STAU2: variants seen among roughly 807,000 people sequenced by gnomAD.
STAU2 encodes staufen double-stranded RNA binding protein 2.
In STAU2, 20 loss-of-function variants were observed where a neutral mutation model predicts 65.9. The observed-to-expected ratio is 0.30, with a 90% confidence interval of 0.21 to 0.44. The LOEUF (loss-of-function observed/expected upper bound fraction) is 0.44, where lower values mean the gene tolerates loss of function less well. STAU2 is among the 20% of genes least tolerant of loss of function. STAU2 has a pLI of 1.00. For missense variants in STAU2, 558 were observed against 683.9 expected (o/e 0.82, Z 2.05); for synonymous variants, 232 against 233.9 (o/e 0.99, Z 0.07).
At chr8:73,480,573 A>C (rs1050164435) in intron 13 of STAU2, among the ~76,000 whole-genome samples, 1 of 152,146 alleles carries the variant, frequency 6.6e-6, no homozygotes, top group Non-Finnish European at 1.5e-5. Context: ...AAATCCCCCA[A>C]AAGTGGACAT....
At chr8:73,481,386 T>G (rs756769664) in intron 13 of STAU2, among the ~76,000 whole-genome samples, 6 of 151,860 alleles carry the variant, frequency 4.0e-5, no homozygotes, top group Non-Finnish European at 7.4e-5. Context: ...CCTCAGGTTC[T>G]CTGAAAAGTC....
chr8:73,567,555 T>C (rs1257697186), intron 12 of STAU2, among the ~76,000 whole-genome samples: 2 of 136,830 alleles, frequency 1.5e-5, no homozygotes, highest in East Asian at 4.0e-4. Flanking sequence ...TCTCTCTCTC[T>C]TTTTTTTTTT....
At chr8:73,634,461 G>C (rs1281275247) in intron 6 of STAU2, among the ~76,000 whole-genome samples, 1 of 152,114 alleles carries the variant, frequency 6.6e-6, no homozygotes, top group Admixed American at 6.5e-5. Context: ...CTGGGAGGCA[G>C]AAGACATAGT....
chr8:73,573,708 G>A, intron 12 of STAU2, among the ~76,000 whole-genome samples: 1 of 152,174 alleles, frequency 6.6e-6, no homozygotes, highest in East Asian at 1.9e-4. Context: ...TATGTAGAAA[G>A]CTGAAACTGG....
At chr8:73,596,343 T>C (rs73328800) in intron 10 of STAU2, among the ~76,000 whole-genome samples, 4,319 of 151,358 alleles carry the variant, frequency 0.029, 172 homozygotes, top group African/African-American at 0.097. Flanking sequence ...AAAAAAGATT[T>C]TTATCATTAG....
chr8:73,550,854 T>A (rs3088139), intron 13 of STAU2: 1 of 986,844 alleles, frequency 1.0e-6, no homozygotes, highest in African/African-American at 1.7e-5. Context: ...TTCGGTGAAG[T>A]GAAAAAAAAA....
intron 13 of STAU2, among the ~76,000 whole-genome samples, chr8:73,501,630 T>G (rs1002362619): frequency 1.3e-5 from 2 of 151,960 alleles, no homozygotes; most frequent in Non-Finnish European, 2.9e-5. Flanking sequence ...GATGTTAATA[T>G]GTTTTCCTGG....
intron 13 of STAU2, among the ~76,000 whole-genome samples, chr8:73,432,335 C>T (rs975817882): frequency 6.6e-5 from 10 of 152,178 alleles, no homozygotes; most frequent in African/African-American, 2.4e-4. Flanking sequence ...ATGTAAATGT[C>T]TTCATCTGCA....
At chr8:73,606,727 T>C (rs900866167) in intron 9 of STAU2, among the ~76,000 whole-genome samples, 4 of 152,178 alleles carry the variant, frequency 2.6e-5, no homozygotes, top group African/African-American at 9.7e-5. Context: ...CTTTGAAGGA[T>C]TTACCCAAGA....
At chr8:73,575,420 T>C (rs1809467652) in intron 12 of STAU2, among the ~76,000 whole-genome samples, 1 of 152,178 alleles carries the variant, frequency 6.6e-6, no homozygotes, top group African/African-American at 2.4e-5. Flanking sequence ...CTATTGACAG[T>C]ACTCTGGCAA....
chr8:73,471,817 TAAAAAA>T (rs569600617), intron 13 of STAU2, among the ~76,000 whole-genome samples: 2 of 86,816 alleles, frequency 2.3e-5, no homozygotes, highest in East Asian at 3.4e-4. Flanking sequence ...AGACTCCAAC[TAAAAAA>T]AAAAAAAAAA....
chr8:73,598,815 T>G (rs972688525), intron 10 of STAU2, among the ~76,000 whole-genome samples: 2 of 152,120 alleles, frequency 1.3e-5, no homozygotes, highest in Non-Finnish European at 2.9e-5. Context: ...TAGATTGTAA[T>G]AAGCTCAGTA....
intron 13 of STAU2, chr8:73,550,057 G>C (rs190315635): frequency 1.0e-6 from 1 of 985,362 alleles, no homozygotes; most frequent in Non-Finnish European, 1.2e-6. Flanking sequence ...GTCATTTCCC[G>C]GAGATTCTGC....
At chr8:73,537,493 A>T (rs778029776) in intron 13 of STAU2, among the ~76,000 whole-genome samples, 1 of 152,238 alleles carries the variant, frequency 6.6e-6, no homozygotes, top group African/African-American at 2.4e-5. Flanking sequence ...ACAGCTCATG[A>T]CCTACAGAAG....
At chr8:73,672,965 T>A in intron 6 of STAU2, 142 bp downstream of exon 6, 1 of 744,022 alleles carries the variant, frequency 1.3e-6, no homozygotes. Flanking sequence ...AAATATTCCT[T>A]GTGAACCTGC....
intron 3 of STAU2, among the ~76,000 whole-genome samples, chr8:73,733,768 G>C (rs1238025255): frequency 6.6e-6 from 1 of 152,116 alleles, no homozygotes; most frequent in Non-Finnish European, 1.5e-5. Context: ...TTGTCAGACA[G>C]ATAAGCAAAG....
intron 13 of STAU2, among the ~76,000 whole-genome samples, chr8:73,451,758 TAG>T (rs1285552558): frequency 6.6e-6 from 1 of 152,088 alleles, no homozygotes; most frequent in African/African-American, 2.4e-5. Flanking sequence ...TTTTAATGAT[TAG>T]GTTTTGTACA....
At chr8:73,432,385 A>T (rs546045441) in intron 13 of STAU2, among the ~76,000 whole-genome samples, 2 of 152,226 alleles carry the variant, frequency 1.3e-5, no homozygotes, top group Admixed American at 1.3e-4. Flanking sequence ...GCAATCTCTG[A>T]TACTGAATCT....
At chr8:73,459,085 T>G (rs552693519) in intron 13 of STAU2, among the ~76,000 whole-genome samples, 2 of 152,356 alleles carry the variant, frequency 1.3e-5, no homozygotes, top group East Asian at 3.9e-4. Flanking sequence ...TCTTAAGGAT[T>G]TTTTTCAAAA....
Sources: allele counts gnomAD v4.1 joint callset (sites outside exome capture counted in the v4.1 genomes callset), GRCh38; gene constraint gnomAD v4.1.1; transcripts MANE v1.5; gene names NCBI Gene and HGNC (gene_info 2026-07-23, HGNC 2026-07-21).